The following CUX1 variants were observed in gnomAD, a reference collection of about 807,000 sequenced individuals.
CUX1 encodes cut like homeobox 1, also known as protein CASP.
A neutral mutation model predicts 158.8 loss-of-function variants in CUX1; 31 were observed. The ratio of observed to expected loss-of-function variants is 0.20; its 90% CI spans 0.15 to 0.26. The LOEUF (loss-of-function observed/expected upper bound fraction) is 0.26. Among genes scored for constraint, CUX1 ranks in the 10% least tolerant of loss-of-function variants. The pLI, the probability that CUX1 is intolerant of heterozygous loss-of-function variation, is 1.00. For synonymous variants in CUX1, 879 were observed against 862.1 expected, an observed-to-expected ratio of 1.02 and a Z score of -0.34; for missense variants, 1,589 against 2,014.6, an observed-to-expected ratio of 0.79 and a Z score of 4.04.
chr7:102,037,509 C>T (rs1168432137), intron 3 of CUX1, among the ~76,000 whole-genome samples: 10 of 151,804 alleles, frequency 6.6e-5, no homozygotes, highest in Admixed American at 2.0e-4. Flanking sequence ...TGCGCCACCA[C>T]GCCCAGCTAA....
At position 102,215,766 on chromosome 7, in the gene CUX1, C is replaced by T. The variant is rs548362249; in HGVS notation, c.3130+10596C>T. On this transcript the variant is annotated intron_variant, in intron 20 of 23. Transcript: ENST00000292535. ...GAAGACAGGAGGCACCCCACCACACCGGCGTGTTCCACGGGCCATGATCAG... is the reference window on the plus strand; with the variant it reads ...GAAGACAGGAGGCACCCCACCACACTGGCGTGTTCCACGGGCCATGATCAG... Among the ~76,000 whole-genome samples, 57 of 152,310 alleles carry T rather than the reference C, an allele frequency of 3.7e-4. 1 individual carries two copies. The highest frequency in any genetic ancestry group is 7.8e-4 in the Non-Finnish European group (53 of 68,020).
chr7:102,203,689 A>T (rs1414309594), intron 18 of CUX1, among the ~76,000 whole-genome samples: 1 of 152,132 alleles, frequency 6.6e-6, no homozygotes, highest in African/African-American at 2.4e-5. Flanking sequence ...GAGTGATCGG[A>T]TGCAGCCCCT....
chr7:102,183,704 A>ACC (rs1239179216), intron 11 of CUX1, among the ~76,000 whole-genome samples: 2 of 152,166 alleles, frequency 1.3e-5, no homozygotes, highest in African/African-American at 2.4e-5. Flanking sequence ...GAAGACTCCC[A>ACC]CACCAACTCT....
chr7:102,226,995 C>T lies in CUX1; in HGVS notation c.3131-372C>T, dbSNP rs149553650. On this transcript the variant is annotated intron_variant, in intron 20 of 23. Coordinates refer to ENST00000292535, the MANE Select transcript of CUX1 (RefSeq NM_181552.4). The stretch of plus-strand genomic sequence containing the variant: ...GTTCTGGAAAATATGGACAACATAA[C>T]TACACAAGTTATGATCTAGCCAAAG... Among the ~76,000 whole-genome samples, 6 of 152,234 alleles carry T rather than the reference C, an allele frequency of 3.9e-5. No homozygotes were observed. In the East Asian group the frequency reaches 9.6e-4, roughly 24 times the overall value.
chr7:101,939,826 G>A (rs576217571), intron 2 of CUX1, among the ~76,000 whole-genome samples: 3 of 151,948 alleles, frequency 2.0e-5, no homozygotes, highest in Admixed American at 6.6e-5. Context: ...GGCTGAGCGC[G>A]GTAGCTCACA....
chr7:102,193,843 A>G lies in CUX1; in HGVS notation c.1078A>G (p.Ile360Val), dbSNP rs1279598269. ...AACCCCTCTGTTGTGCTCTTGCAGC[A>G]TTCTGAAGTCCATGGAGTTTGCACC... ...DYEEVKKELN[I>V]LKSMEFAPSE... The change falls in exon 13 of 24, where the codon ATT becomes GTT. Residue 360 changes from isoleucine to valine, a missense_variant and splice_region_variant. By Grantham distance (29) the Ile-to-Val change is conservative. Transcript: ENST00000292535. The G allele has an allele frequency of 1.2e-6, 2 of 1,613,830 alleles. No individual in the cohort carries two copies. The highest frequency in any genetic ancestry group is 2.7e-5 in the African/African-American group (2 of 74,910).
At chr7:102,159,011 T>C (rs1343039731) in intron 9 of CUX1, among the ~76,000 whole-genome samples, 4 of 150,504 alleles carry the variant, frequency 2.7e-5, no homozygotes, top group Non-Finnish European at 4.4e-5. Flanking sequence ...CCTAGGAGAG[T>C]TCCTTAGTGT....
intron 2 of CUX1, among the ~76,000 whole-genome samples, chr7:101,981,100 A>G (rs1438677673): frequency 3.9e-5 from 6 of 152,240 alleles, no homozygotes; most frequent in South Asian, 2.1e-4. Context: ...ACCTAGGGAG[A>G]GGCCTCTTTT....
chr7:102,206,105 A>G (rs964896039), intron 20 of CUX1, among the ~76,000 whole-genome samples: 1 of 152,196 alleles, frequency 6.6e-6, no homozygotes. Flanking sequence ...ACGAGGGGGA[A>G]CATGTGTAGC....
At chr7:101,926,209 AG>A (rs1805574208) in intron 2 of CUX1, among the ~76,000 whole-genome samples, 1 of 152,224 alleles carries the variant, frequency 6.6e-6, no homozygotes, top group Non-Finnish European at 1.5e-5. Context: ...CCTACTGTTA[AG>A]TTATAATAAG....
In CUX1 at chr7:102,238,709, AC is replaced by A. The variant is rs1218070437; in HGVS notation, c.3623-606del. Among the ~76,000 whole-genome samples, 6 of 151,562 alleles carry A rather than the reference AC, an allele frequency of 4.0e-5. No individual in the cohort carries two copies. In the East Asian group the frequency reaches 9.8e-4, roughly 25 times the overall value. On this transcript the variant is annotated intron_variant, in intron 22 of 23. Coordinates refer to ENST00000292535, the MANE Select transcript of CUX1 (RefSeq NM_181552.4). ...TCCCCATGGTCTCTTGCACTTACTTACCCCCACCCCACTTTTCACTCTGCTG... is the reference window on the plus strand; with the variant it reads ...TCCCCATGGTCTCTTGCACTTACTTACCCCACCCCACTTTTCACTCTGCTG...
At chr7:101,863,652 G>C (rs1797684810) in intron 1 of CUX1, among the ~76,000 whole-genome samples, 1 of 152,114 alleles carries the variant, frequency 6.6e-6, no homozygotes, top group Non-Finnish European at 1.5e-5. Context: ...CGCCCAGCCA[G>C]GGCTCTTTTT....
chr7:101,946,078 C>T (rs1005217151), intron 2 of CUX1, among the ~76,000 whole-genome samples: 1 of 152,176 alleles, frequency 6.6e-6, no homozygotes, highest in African/African-American at 2.4e-5. Flanking sequence ...AGGAAACCAG[C>T]AGTCAGGGAC....
At chr7:101,841,324 C>T (rs550379483) in intron 1 of CUX1, among the ~76,000 whole-genome samples, 23 of 152,006 alleles carry the variant, frequency 1.5e-4, no homozygotes, top group African/African-American at 5.5e-4. Flanking sequence ...TGAACTCTAG[C>T]TGTCTCCCAT....
intron 3 of CUX1, among the ~76,000 whole-genome samples, chr7:102,040,356 G>C (rs1402984426): frequency 6.6e-6 from 1 of 152,136 alleles, no homozygotes. Flanking sequence ...GAAGATGGGG[G>C]CAGTGAGTGC....
chr7:102,197,388 G>C, intron 15 of CUX1, 83 bp downstream of exon 15: 1 of 1,443,704 alleles, frequency 6.9e-7, no homozygotes, highest in Non-Finnish European at 9.6e-7. Flanking sequence ...GCGTGTGTCT[G>C]TGTGCGTGAT....
intron 1 of CUX1, among the ~76,000 whole-genome samples, chr7:101,833,582 A>AAG (rs1366481661): frequency 6.6e-6 from 1 of 150,940 alleles, no homozygotes; most frequent in Non-Finnish European, 1.5e-5. Flanking sequence ...AAAAAAAAAA[A>AAG]AAAAGAATCC....
intron 1 of CUX1, among the ~76,000 whole-genome samples, chr7:101,854,373 C>T (rs1006888539): frequency 6.6e-6 from 1 of 150,748 alleles, no homozygotes; most frequent in African/African-American, 2.4e-5. Context: ...AGCCAGTCTC[C>T]TAAGCATAGG....
At chr7:101,887,199 A>C (rs1219061787) in intron 1 of CUX1, among the ~76,000 whole-genome samples, 1 of 152,200 alleles carries the variant, frequency 6.6e-6, no homozygotes, top group Non-Finnish European at 1.5e-5. Context: ...TGAATAGGGC[A>C]GCCGAGTTGC....
Sources: allele counts gnomAD v4.1 joint callset (sites outside exome capture counted in the v4.1 genomes callset), GRCh38; gene constraint gnomAD v4.1.1; transcripts MANE v1.5; gene names NCBI Gene and HGNC (gene_info 2026-07-23, HGNC 2026-07-21).